The following ASAP3 variants were observed in gnomAD, a reference collection of about 807,000 sequenced individuals.
ASAP3 encodes arf-GAP with SH3 domain, ANK repeat and PH domain-containing protein 3.
ASAP3 carries 85 observed loss-of-function variants against 118.2 expected under a neutral mutation model. That is an observed-to-expected ratio of 0.72 (90% CI 0.60 to 0.86). The LOEUF is 0.86. ASAP3 is among the 40% of genes least tolerant of loss of function. The pLI is 0.00. For missense variants in ASAP3, 1,026 were observed against 1,175.0 expected (o/e 0.87, Z 1.85); for synonymous variants, 432 against 477.4 (o/e 0.90, Z 1.24).
chr1:23,470,527 C>T (rs1038736782), intron 1 of ASAP3, among the ~76,000 whole-genome samples: 10 of 152,248 alleles, frequency 6.6e-5, no homozygotes, highest in Admixed American at 2.0e-4. Context: ...CCCTGTCTCG[C>T]GGTGTGACCT....
chr1:23,476,936 T>C (rs1027490163), intron 1 of ASAP3, among the ~76,000 whole-genome samples: 1 of 152,114 alleles, frequency 6.6e-6, no homozygotes, highest in Non-Finnish European at 1.5e-5. Context: ...TATGGTTCTA[T>C]GGTAAATACT....
Position 23,441,015 on chromosome 1 carries a change from G to C in ASAP3, c.944+87C>G, listed in dbSNP as rs1570347117. On this transcript the variant is annotated intron_variant, in intron 10 of 24. Transcript: ENST00000336689. ...CCCTCGGTGTCTACACAAATGATTA[G>C]AACAGTTCCTTTGGGCAGCTTCCCC... is the stretch of plus-strand genomic sequence containing the variant. 12 of 1,264,078 alleles carry C rather than the reference G, an allele frequency of 9.5e-6. No individual in the cohort carries two copies. The East Asian group carries it at 2.3e-4, about 24-fold the overall frequency. 78.3% of individuals were successfully genotyped at this position (1,264,078 alleles called of 1,614,324 possible).
intron 1 of ASAP3, among the ~76,000 whole-genome samples, chr1:23,472,628 G>T (rs142681722): frequency 1.3e-5 from 2 of 152,134 alleles, no homozygotes; most frequent in African/African-American, 4.8e-5. Context: ...TGCCAGGACC[G>T]CACAGATAAT....
chr1:23,468,046 C>A (rs1424358325), intron 1 of ASAP3, among the ~76,000 whole-genome samples: 1 of 151,868 alleles, frequency 6.6e-6, no homozygotes, highest in African/African-American at 2.4e-5. Context: ...CCCACCATTT[C>A]AGACACACAG....
intron 3 of ASAP3, 50 bp downstream of exon 3, chr1:23,455,831 G>A: frequency 2.5e-6 from 4 of 1,605,120 alleles, no homozygotes; most frequent in Non-Finnish European, 3.4e-6. Flanking sequence ...AGGTTCTTAA[G>A]ACCACTAGAT....
intron 10 of ASAP3, 135 bp from the exon 11 acceptor site, chr1:23,439,365 A>G: frequency 1.3e-6 from 1 of 745,486 alleles, no homozygotes; most frequent in Non-Finnish European, 2.2e-6. Context: ...CTAACCCTAC[A>G]CCCCCACCCC....
intron 1 of ASAP3, among the ~76,000 whole-genome samples, chr1:23,467,164 C>G (rs928596500): frequency 6.7e-6 from 1 of 149,244 alleles, no homozygotes; most frequent in African/African-American, 2.6e-5. Flanking sequence ...TCACCCGGCC[C>G]ATTACAGCCA....
At chr1:23,477,662 C>G (rs569369776) in intron 1 of ASAP3, among the ~76,000 whole-genome samples, 106 of 152,290 alleles carry the variant, frequency 7.0e-4, no homozygotes, top group African/African-American at 2.5e-3. Flanking sequence ...GAGGATGAGT[C>G]TTCGTGCCAC....
chr1:23,440,295 A>G (rs1435845130), intron 10 of ASAP3, among the ~76,000 whole-genome samples: 1 of 148,554 alleles, frequency 6.7e-6, no homozygotes, highest in Non-Finnish European at 1.5e-5. Flanking sequence ...AGGTCAGAAG[A>G]TTGAGACCAT....
chr1:23,441,544 A>G, intron 8 of ASAP3, 71 bp from the exon 9 acceptor site: 1 of 1,601,460 alleles, frequency 6.2e-7, no homozygotes. Context: ...GACCCAGAAG[A>G]GCAGAGCAGT....
intron 1 of ASAP3, among the ~76,000 whole-genome samples, chr1:23,465,063 C>T (rs1308051221): frequency 2.0e-5 from 3 of 152,152 alleles, no homozygotes; most frequent in African/African-American, 7.2e-5. Flanking sequence ...GATAATATTG[C>T]GTACCACATA....
rs1021674316 is a variant in ASAP3 at position 23,429,629 on chromosome 1, G to C, written c.*227C>G. 1.8e-5 allele frequency: 8 copies of C among 450,310 alleles called. No homozygotes were observed. Among genetic ancestry groups the C allele is most frequent in the Non-Finnish European group, 2.8e-5 (7 of 251,010 alleles). The allele number at this position is 450,310 out of a possible 1,614,324, so 27.9% of individuals were successfully genotyped here. A position where few individuals can be genotyped will look rare whatever the true frequency, so the allele number is the denominator to read the frequency against. On this transcript the variant is annotated 3_prime_UTR_variant, in exon 25 of 25. Coordinates refer to ENST00000336689, the MANE Select transcript of ASAP3 (RefSeq NM_017707.4). Reference sequence around the variant, plus strand: ...CAGCCACAGGGCTCCCAGGCCCCTAGCGGGTAATGAGATAGGAAAGAACCG... The same window carrying C: ...CAGCCACAGGGCTCCCAGGCCCCTACCGGGTAATGAGATAGGAAAGAACCG...
chr1:23,429,867 A>C lies in ASAP3; in HGVS notation c.2701T>G (p.Leu901Val). 6.2e-7 allele frequency: 1 copy of C among 1,613,774 alleles called. No individual in the cohort carries two copies. The change falls in exon 25 of 25, where the codon TTG becomes GTG. Residue 901 changes from leucine to valine, a missense_variant. Physicochemically the swap from Leu to Val is conservative, Grantham distance 32. Transcript: ENST00000336689. ...GGGCCAGCAAGGAGCTAGTCTTGCA[A>C]AAGTTGCACAGAACTTGCTGGGAGA... Reference protein sequence around the residue: ...GSLPASSVQLLQD With the variant: ...GSLPASSVQLVQD
intron 1 of ASAP3, among the ~76,000 whole-genome samples, chr1:23,480,747 G>C (rs778511281): frequency 3.6e-4 from 55 of 152,288 alleles, no homozygotes; most frequent in South Asian, 1.2e-3. Flanking sequence ...CCCACTGTGT[G>C]ACACAGGGCA....
intron 9 of ASAP3, 43 bp downstream of exon 9, chr1:23,441,344 C>G: frequency 6.2e-7 from 1 of 1,611,330 alleles, no homozygotes; most frequent in Non-Finnish European, 8.5e-7. Flanking sequence ...CCACGGTGGG[C>G]CTTGGGGGAG....
At chr1:23,445,429 T>G (rs1222389961) in intron 5 of ASAP3, among the ~76,000 whole-genome samples, 1 of 151,758 alleles carries the variant, frequency 6.6e-6, no homozygotes, top group Non-Finnish European at 1.5e-5. Flanking sequence ...AAGTCAAGGC[T>G]GCAGTGAGCT....
At chr1:23,455,731 G>A in intron 3 of ASAP3, 150 bp downstream of exon 3, 3 of 923,634 alleles carry the variant, frequency 3.2e-6, no homozygotes, top group Non-Finnish European at 4.9e-6. Context: ...CAAAAGAAGG[G>A]TCAGGGCTGG....
rs765111665 is a variant in ASAP3 at position 23,431,920 on chromosome 1, T to A, written c.2324-2A>T. 5.0e-6 allele frequency: 8 copies of A among 1,612,916 alleles called. No homozygotes were observed. The Admixed American group carries it at 1.3e-4, about 27-fold the overall frequency. ...TCAGGCTGGAGACTTCAGAACGATC[T>A]GGAATCAGAAACATCAGAAATGATA... On this transcript the variant is annotated splice_acceptor_variant, in intron 22 of 24. Transcript: ENST00000336689. LOFTEE classifies it high-confidence loss of function.
intron 19 of ASAP3, 144 bp from the exon 20 acceptor site, chr1:23,433,837 T>C: frequency 2.9e-6 from 3 of 1,023,386 alleles, no homozygotes; most frequent in Non-Finnish European, 4.2e-6. Flanking sequence ...AGGCAAGTTA[T>C]ATAACCTTTT....
Sources: allele counts gnomAD v4.1 joint callset (sites outside exome capture counted in the v4.1 genomes callset), GRCh38; gene constraint gnomAD v4.1.1; transcripts MANE v1.5; gene names NCBI Gene and HGNC (gene_info 2026-07-23, HGNC 2026-07-21).